FGA: variants seen among roughly 807,000 people sequenced by gnomAD.
FGA encodes fibrinogen, A alpha polypeptide.
FGA carries 20 observed loss-of-function variants against 20.3 expected under a neutral mutation model. The observed-to-expected ratio is 0.99, with a 90% CI of 0.69 to 1.43. The LOEUF (loss-of-function observed/expected upper bound fraction) is 1.43. Ranked by LOEUF, FGA falls within the 40% of genes most tolerant of loss-of-function variation. The probability of loss-of-function intolerance (pLI) is 0.00; values close to 1 mark genes in which losing one functional copy is unlikely to be tolerated. For synonymous variants in FGA, 306 were observed against 281.6 expected, an observed-to-expected ratio of 1.09 and a Z score of -0.87; for missense variants, 777 against 784.7, an observed-to-expected ratio of 0.99 and a Z score of 0.12.
chr4:154,584,278 T>A, downstream of FGA: 2 of 1,614,148 alleles, frequency 1.2e-6, no homozygotes, highest in Non-Finnish European at 1.7e-6. Flanking sequence ...TCCATTGAGA[T>A]TGGCTGCTTG....
downstream of FGA, chr4:154,584,665 C>A: frequency 6.2e-7 from 1 of 1,614,048 alleles, no homozygotes; most frequent in Non-Finnish European, 8.5e-7. Context: ...TTGCCAGGTC[C>A]GGTTAAAATT....
In FGA at chr4:154,585,518, C is replaced by A; in HGVS notation, c.1911G>T (p.Leu637Phe). ...RPVRGIHTSP[L>F]GKPSLSP The stretch of plus-strand genomic sequence containing the variant: ...TCTAGGGGGACAGGGAAGGCTTCCC[C>A]AAAGGAGAAGTGTGGATACCTCTGA... Residue 637 changes from leucine (L) to phenylalanine (F), a missense_variant, in exon 5 of 5, where the codon TTG (leucine) becomes TTT (phenylalanine). Physicochemically the swap from Leu to Phe is conservative, Grantham distance 22 (BLOSUM62 0). Coordinates refer to ENST00000403106, the MANE Select transcript of FGA (RefSeq NM_021871.4). 2.5e-6 allele frequency: 4 copies of A among 1,611,308 alleles called. No homozygotes were observed. The highest frequency in any genetic ancestry group is 3.4e-6 in the Non-Finnish European group (4 of 1,177,536).
chr4:154,588,970 T>A lies in FGA; in HGVS notation c.187A>T (p.Lys63Ter), dbSNP rs1184440187. The change falls in exon 3 of 5, where the codon AAA (lysine) becomes TAA (stop). Residue 63 changes from lysine to a stop codon, truncating the protein, a stop_gained. Coordinates refer to ENST00000403106, the MANE Select transcript of FGA (RefSeq NM_021871.4). LOFTEE classifies it high-confidence loss of function. ...TTCATCCTGCAGCCAGAAGGGCATT[T>A]GTAGTTCTGAAAGTGAAGGGAGAAA... ...PFCSDEDWNY[K>*]CPSGCRMKGL... The A allele has an allele frequency of 6.2e-7, 1 of 1,612,910 alleles. No homozygotes were observed.
In FGA at chr4:154,589,423, C is replaced by T. The variant is rs574581952; in HGVS notation, c.180+14G>A. ...GAGGGAAGGAATCTCCTGCTTCCCC[C>T]GCTGACTGCTTACCCAGTCTTCATC... On this transcript the variant is annotated intron_variant, in intron 2 of 4. Transcript: ENST00000403106. 2.2e-5 allele frequency: 35 copies of T among 1,613,756 alleles called. No homozygotes were observed. Among genetic ancestry groups the T allele is most frequent in the South Asian group, 1.3e-4 (12 of 91,082 alleles).
In FGA at chr4:154,585,818, T is replaced by C. The variant is rs576577208; in HGVS notation, c.1611A>G (p.Leu537=). 4 of 1,614,162 alleles carry C rather than the reference T, an allele frequency of 2.5e-6. No homozygotes were observed. The East Asian group carries it at 8.9e-5, about 36-fold the overall frequency. Residue 537 remains leucine (L), a synonymous_variant, in exon 5 of 5, where the codon TTA becomes TTG. Transcript: ENST00000403106. ...KTFPGFFSPM[L]GEFVSETESR... is the part of the protein sequence containing the mutation. ...ACTCAGTCTCACTGACAAACTCTCC[T>C]AACATAGGTGAGAAGAAACCTGGGA...
chr4:154,587,745 G>GAGAA lies in FGA; in HGVS notation c.365-92_365-89dup, dbSNP rs60443975. 0.097 allele frequency: 50,429 copies of GAGAA among 522,042 alleles called. 2,386 individuals carry two copies. The highest frequency in any genetic ancestry group is 0.15 in the East Asian group (4,050 of 26,988). The allele number at this position is 522,042 out of a possible 1,614,324, so 32.3% of individuals were successfully genotyped here. A position where few individuals can be genotyped will look rare whatever the true frequency, so the allele number is the denominator to read the frequency against. Reference sequence around the variant, plus strand: ...AAAAGAAAGGAAGAAAGGAAGGAAGGAGAAAGAAAGAAAGAAAGAAAGAAA... The same window carrying GAGAA: ...AAAAGAAAGGAAGAAAGGAAGGAAGGAGAAAGAAAGAAAGAAAGAAAGAAAGAAA... On this transcript the variant is annotated intron_variant, in intron 3 of 4. Coordinates refer to ENST00000403106, the MANE Select transcript of FGA (RefSeq NM_021871.4).
At position 154,589,505 on chromosome 4, in the gene FGA, T is replaced by C. The variant is rs121909608; in HGVS notation, c.112A>G (p.Arg38Gly). 4 of 1,613,896 alleles carry C rather than the reference T, an allele frequency of 2.5e-6. No individual in the cohort carries two copies. Among genetic ancestry groups the C allele is most frequent in the South Asian group, 1.1e-5 (1 of 91,084 alleles). ...GCAGATTGATGTCTTTCCACAACCCTTGGGCCACGCACGCCTCCTCCTTCA... is the reference window on the plus strand; with the variant it reads ...GCAGATTGATGTCTTTCCACAACCCCTGGGCCACGCACGCCTCCTCCTTCA... ...LAEGGGVRGP[R>G]VVERHQSACK... is the part of the protein sequence containing the mutation. The change falls in exon 2 of 5, where the codon AGG (arginine) becomes GGG (glycine). Residue 38 changes from arginine to glycine, a missense_variant. Transcript: ENST00000403106.
At chr4:154,583,886 A>G, downstream of FGA, 1 of 523,510 alleles carries the variant, frequency 1.9e-6, no homozygotes. Flanking sequence ...GGCCCTTGGT[A>G]TATCTTTATA....
In FGA at chr4:154,587,499, GCCACATA is replaced by G; in HGVS notation, c.510+6_510+12del. On this transcript the variant is annotated splice_donor_region_variant and intron_variant, in intron 4 of 4. Coordinates refer to ENST00000403106, the MANE Select transcript of FGA (RefSeq NM_021871.4). The stretch of plus-strand genomic sequence containing the variant: ...AGAAACAAGGACATCTGGGACCACA[GCCACATA>G]CTTACCTCCAGTCGTTTCATATCAA... The G allele has an allele frequency of 1.2e-6, 2 of 1,613,274 alleles. No homozygotes were observed. Among genetic ancestry groups the G allele is most frequent in the Non-Finnish European group, 8.5e-7 (1 of 1,179,414 alleles).
chr4:154,587,486 A>G (rs1454192796), intron 4 of FGA, 26 bp downstream of exon 4: 1 of 1,611,738 alleles, frequency 6.2e-7, no homozygotes, highest in East Asian at 2.2e-5. Context: ...AAACAAGGAC[A>G]TCTGGGACCA....
chr4:154,586,319 A>T lies in FGA; in HGVS notation c.1110T>A (p.Ala370=). Reference sequence around the variant, plus strand: ...CAGAGCTCTCAGAGGTCCAGTGCCCAGCACTTCCGCGTTCAGAGCTGCCAG... The same window carrying T: ...CAGAGCTCTCAGAGGTCCAGTGCCCTGCACTTCCGCGTTCAGAGCTGCCAG... The part of the protein sequence containing the change: ...WNPGSSERGS[A]GHWTSESSVS... The change falls in exon 5 of 5, where the codon GCT becomes GCA. Residue 370 remains alanine (A), a synonymous_variant. Coordinates refer to ENST00000403106, the MANE Select transcript of FGA (RefSeq NM_021871.4). The T allele has an allele frequency of 6.2e-7, 1 of 1,614,222 alleles. No homozygotes were observed.
chr4:154,589,594 A>C (rs1335563309), intron 1 of FGA, 32 bp from the exon 2 acceptor site: 1 of 1,608,958 alleles, frequency 6.2e-7, no homozygotes, highest in Admixed American at 1.7e-5. Context: ...CACAAAAGAG[A>C]GCAACAGCAA....
At chr4:154,584,085 G>T, downstream of FGA, 13 of 854,950 alleles carry the variant, frequency 1.5e-5, no homozygotes, top group African/African-American at 6.0e-5. Flanking sequence ...CACTTCTCTA[G>T]CAAAGAAGAC....
At chr4:154,588,377 C>T (rs1730788128) in intron 3 of FGA, among the ~76,000 whole-genome samples, 1 of 152,120 alleles carries the variant, frequency 6.6e-6, no homozygotes, top group Admixed American at 6.5e-5. Flanking sequence ...AAAAATCTAC[C>T]TAATCAGCTC....
rs774294357 is a variant in FGA at position 154,586,069 on chromosome 4, T to G, written c.1360A>C (p.Thr454Pro). Reference sequence around the variant, plus strand: ...GAGCATGAACGACGCGTGGTGGTTGTGCTACCAGAGGTGACCTTCTCTTTA... The same window carrying G: ...GAGCATGAACGACGCGTGGTGGTTGGGCTACCAGAGGTGACCTTCTCTTTA... ...TGKEKVTSGS[T>P]TTTRRSCSKT... Residue 454 changes from threonine to proline, a missense_variant, in exon 5 of 5, where the codon ACA becomes CCA. Coordinates refer to ENST00000403106, the MANE Select transcript of FGA (RefSeq NM_021871.4). The G allele has an allele frequency of 1.2e-6, 2 of 1,614,160 alleles. No homozygotes were observed. Among genetic ancestry groups the G allele is most frequent in the Non-Finnish European group, 1.7e-6 (2 of 1,180,012 alleles).
chr4:154,585,127 T>G, downstream of FGA: 1 of 780,236 alleles, frequency 1.3e-6, no homozygotes, highest in Non-Finnish European at 1.9e-6. Flanking sequence ...CACTTAATAC[T>G]AACACAACTT....
chr4:154,584,584 A>G, downstream of FGA: 1 of 1,614,150 alleles, frequency 6.2e-7, no homozygotes, highest in Non-Finnish European at 8.5e-7. Flanking sequence ...TAGTAAGTGG[A>G]GGTAGTCATT....
In FGA at chr4:154,585,910, C is replaced by A. The variant is rs11553775; in HGVS notation, c.1519G>T (p.Asp507Tyr). 6.2e-7 allele frequency: 1 copy of A among 1,613,880 alleles called. No homozygotes were observed. The highest frequency in any genetic ancestry group is 8.5e-7 in the Non-Finnish European group (1 of 1,179,914). Residue 507 changes from aspartate to tyrosine, a missense_variant, in exon 5 of 5, where the codon GAT (aspartate) becomes TAT (tyrosine). Coordinates refer to ENST00000403106, the MANE Select transcript of FGA (RefSeq NM_021871.4). ...LGTLSGIGTL[D>Y]GFRHRHPDEA... ...TCAGGGTGCCTATGGCGGAACCCAT[C>A]CAGAGTACCTATGCCAGACAATGTG...
At chr4:154,584,889 A>G, downstream of FGA, 1 of 1,297,500 alleles carries the variant, frequency 7.7e-7, no homozygotes, top group Non-Finnish European at 1.1e-6. Context: ...CTTTACAAAG[A>G]TAGGCACGGC....
Sources: gnomAD v4.1 joint callset for allele counts (sites outside exome capture counted in the v4.1 genomes callset) on GRCh38, gnomAD v4.1.1 for gene constraint, MANE v1.5 for transcripts, NCBI Gene and HGNC (gene_info 2026-07-23, HGNC 2026-07-21) for gene names.